The following TSPAN18 variants were observed in gnomAD, a reference collection of about 807,000 sequenced individuals.
TSPAN18 encodes the protein tetraspanin 18.
TSPAN18 carries 14 observed loss-of-function variants against 27.3 expected under a neutral mutation model. The observed-to-expected ratio is 0.51, with a 90% confidence interval of 0.34 to 0.80. TSPAN18 has a LOEUF of 0.80. TSPAN18 is among the 30% of genes least tolerant of loss of function. TSPAN18 has a pLI of 0.01. For missense variants in TSPAN18, 268 were observed against 323.9 expected (o/e 0.83, Z 1.32); for synonymous variants, 143 against 136.5 (o/e 1.05, Z -0.33).
At chr11:44,908,810 A>AGAAGGAAGGAAGGAAG (rs1564993114) in intron 4 of TSPAN18, among the ~76,000 whole-genome samples, 5 of 116,486 alleles carry the variant, frequency 4.3e-5, no homozygotes, top group South Asian at 2.8e-4. Flanking sequence ...AAAGAAAGAA[A>AGAAGGAAGGAAGGAAG]GAAAGAAAGA....
chr11:44,844,371 A>G (rs1857437811), intron 2 of TSPAN18, among the ~76,000 whole-genome samples: 1 of 152,168 alleles, frequency 6.6e-6, no homozygotes, highest in South Asian at 2.1e-4. Context: ...TGGGTGTATA[A>G]CTGGGAGTTG....
chr11:44,920,576 C>T lies in TSPAN18; in HGVS notation c.615+577C>T, dbSNP rs563660664. The stretch of plus-strand genomic sequence containing the variant: ...AAGACAAGCGCCTGGCTTTGTGTGC[C>T]TCCTGCCCACACACCCTTATGAGTT... On this transcript the variant is annotated intron_variant, in intron 8 of 9. Transcript: ENST00000520358. Among the ~76,000 whole-genome samples, 72 of 152,304 alleles carry T rather than the reference C, an allele frequency of 4.7e-4. 1 individual carries two copies. The South Asian group carries it at 0.015, about 31-fold the overall frequency.
intron 1 of TSPAN18, among the ~76,000 whole-genome samples, chr11:44,745,755 C>T (rs1172116675): frequency 6.6e-6 from 1 of 152,202 alleles, no homozygotes; most frequent in South Asian, 2.1e-4. Context: ...TGGCTGGGCG[C>T]GGTGGCTCAC....
chr11:44,793,990 G>A (rs1486384697), intron 2 of TSPAN18, among the ~76,000 whole-genome samples: 1 of 152,118 alleles, frequency 6.6e-6, no homozygotes, highest in Admixed American at 6.5e-5. Context: ...GGGGTGGGGG[G>A]AGTTAGGCGA....
intron 2 of TSPAN18, among the ~76,000 whole-genome samples, chr11:44,786,626 T>A: frequency 5.5e-5 from 1 of 18,290 alleles, no homozygotes; most frequent in Middle Eastern, 0.12. Context: ...CCACTTACTT[T>A]TTTTTTTTTT....
Position 44,735,622 on chromosome 11 carries a change from T to TA in TSPAN18, c.-240+8335_-240+8336insA, listed in dbSNP as rs551793186. On this transcript the variant is annotated intron_variant, in intron 1 of 9. Transcript: ENST00000520358. ...TAGGGTCCACCCTAATGACCTCCTC[T>TA]TTTTTTTTTTTTTTTAGGCGGAGTC... is the stretch of plus-strand genomic sequence containing the variant. 4.7e-3 allele frequency among the ~76,000 whole-genome samples: 580 copies of TA among 124,720 alleles called. 2 individuals are homozygous for TA. Among genetic ancestry groups the TA allele is most frequent in the African/African-American group, 0.015 (542 of 36,488 alleles). The allele number at this position is 124,720 out of a possible 152,430, so 81.8% of individuals were successfully genotyped here. A position where few individuals can be genotyped will look rare whatever the true frequency, so the allele number is the denominator to read the frequency against.
intron 1 of TSPAN18, among the ~76,000 whole-genome samples, chr11:44,740,692 C>T (rs555806541): frequency 6.6e-6 from 1 of 152,342 alleles, no homozygotes; most frequent in South Asian, 2.1e-4. Flanking sequence ...CATTGTTCCT[C>T]AAATGGAGTG....
intron 3 of TSPAN18, among the ~76,000 whole-genome samples, chr11:44,869,885 C>G (rs1858145180): frequency 6.6e-6 from 1 of 152,254 alleles, no homozygotes; most frequent in East Asian, 1.9e-4. Context: ...TGCCTCGACT[C>G]CCACAGGAAA....
At chr11:44,853,975 G>A (rs1857666940) in intron 2 of TSPAN18, among the ~76,000 whole-genome samples, 2 of 152,172 alleles carry the variant, frequency 1.3e-5, no homozygotes, top group South Asian at 2.1e-4. Context: ...TGGCAAGGCC[G>A]GGTAATTAGC....
chr11:44,877,542 C>A (rs861355), intron 3 of TSPAN18, among the ~76,000 whole-genome samples: 19,988 of 152,086 alleles, frequency 0.13, 1,486 homozygotes, highest in Non-Finnish European at 0.17. Flanking sequence ...CCCATGAGGA[C>A]CCCCCGCCTC....
At chr11:44,883,660 T>C (rs986967225) in intron 3 of TSPAN18, among the ~76,000 whole-genome samples, 4 of 152,216 alleles carry the variant, frequency 2.6e-5, no homozygotes, top group Non-Finnish European at 5.9e-5. Flanking sequence ...AGAGTCTGGT[T>C]AGTGGCAGAG....
intron 3 of TSPAN18, among the ~76,000 whole-genome samples, chr11:44,872,473 G>A (rs902850990): frequency 3.9e-5 from 6 of 152,166 alleles, no homozygotes; most frequent in Admixed American, 3.3e-4. Flanking sequence ...TGCAGTGCCC[G>A]GCACATGCTA....
intron 2 of TSPAN18, among the ~76,000 whole-genome samples, chr11:44,769,591 T>G (rs773627108): frequency 3.3e-5 from 5 of 152,226 alleles, no homozygotes; most frequent in Admixed American, 2.6e-4. Context: ...CAATTTCTTT[T>G]TTGTGTGTGA....
intron 1 of TSPAN18, among the ~76,000 whole-genome samples, chr11:44,729,475 C>A (rs1854599643): frequency 6.6e-6 from 1 of 152,138 alleles, no homozygotes; most frequent in South Asian, 2.1e-4. Flanking sequence ...CTACTAAAGT[C>A]TGTGTTTGGG....
chr11:44,877,428 C>A (rs978104753), intron 3 of TSPAN18, among the ~76,000 whole-genome samples: 1 of 152,146 alleles, frequency 6.6e-6, no homozygotes, highest in African/African-American at 2.4e-5. Context: ...ATCTCAGGGT[C>A]CATTCCTTGG....
intron 8 of TSPAN18, among the ~76,000 whole-genome samples, chr11:44,921,360 G>C (rs1860127297): frequency 6.6e-6 from 1 of 152,160 alleles, no homozygotes; most frequent in Non-Finnish European, 1.5e-5. Context: ...TATGTTGGCA[G>C]AGGCTGCTGG....
chr11:44,921,464 G>A (rs1860132522), intron 8 of TSPAN18, among the ~76,000 whole-genome samples: 1 of 152,220 alleles, frequency 6.6e-6, no homozygotes, highest in Non-Finnish European at 1.5e-5. Context: ...TTCCCAGCCT[G>A]CCTTGCAGCT....
chr11:44,890,461 C>G (rs769302623), intron 3 of TSPAN18, among the ~76,000 whole-genome samples: 1 of 152,128 alleles, frequency 6.6e-6, no homozygotes, highest in African/African-American at 2.4e-5. Context: ...CAATGGCTCA[C>G]GCCTGTAATC....
At chr11:44,735,916 C>G (rs1590401917) in intron 1 of TSPAN18, among the ~76,000 whole-genome samples, 1 of 152,268 alleles carries the variant, frequency 6.6e-6, no homozygotes, top group Middle Eastern at 3.4e-3. Flanking sequence ...CAGCGCCCAG[C>G]CATGACCTCC....
Sources: gnomAD v4.1 joint callset for allele counts (sites outside exome capture counted in the v4.1 genomes callset) on GRCh38, gnomAD v4.1.1 for gene constraint, MANE v1.5 for transcripts, NCBI Gene and HGNC (gene_info 2026-07-23, HGNC 2026-07-21) for gene names.